The following RCL1 variants were observed in gnomAD, a reference collection of about 807,000 sequenced individuals.
RCL1 encodes RNA 3'-terminal phosphate cyclase-like protein.
Under a neutral mutation model 42.4 loss-of-function variants are expected in RCL1, and 24 were observed. That is an observed-to-expected ratio of 0.57 (90% CI 0.41 to 0.80). The LOEUF (loss-of-function observed/expected upper bound fraction) is 0.80. RCL1 is among the 30% of genes least tolerant of loss of function. The pLI is 0.00. For synonymous variants in RCL1, 228 were observed against 177.3 expected (o/e 1.29, Z -2.27); for missense variants, 578 against 467.9 (o/e 1.24, Z -2.17).
chr9:4,819,549 C>G (rs1816512368), intron 1 of RCL1, among the ~76,000 whole-genome samples: 1 of 152,226 alleles, frequency 6.6e-6, no homozygotes, highest in Non-Finnish European at 1.5e-5. Flanking sequence ...TTGCTCACGC[C>G]TGTAATCCCA....
intron 1 of RCL1, among the ~76,000 whole-genome samples, chr9:4,803,586 A>G (rs1406035287): frequency 3.3e-5 from 5 of 152,082 alleles, no homozygotes; most frequent in African/African-American, 9.7e-5. Flanking sequence ...ACAGATCCCA[A>G]CTGTTCTTTG....
Position 4,802,612 on chromosome 9 carries a change from T to C in RCL1, c.136+9385T>C, listed in dbSNP as rs1487020529. 2.0e-5 allele frequency among the ~76,000 whole-genome samples: 3 copies of C among 151,618 alleles called. No homozygotes were observed. In the East Asian group the frequency reaches 5.8e-4, roughly 29 times the overall value. ...TTCACAAAATGTTCATTTTTCAATGTTTACAAAATGTTCATTTTTTTTTAC... is the reference window on the plus strand; with the variant it reads ...TTCACAAAATGTTCATTTTTCAATGCTTACAAAATGTTCATTTTTTTTTAC... On this transcript the variant is annotated intron_variant, in intron 1 of 8. Coordinates refer to ENST00000381750, the MANE Select transcript of RCL1 (RefSeq NM_005772.5).
At chr9:4,827,330 C>A in intron 3 of RCL1, 1 of 1,154,476 alleles carries the variant, frequency 8.7e-7, no homozygotes, top group Non-Finnish European at 1.2e-6. Flanking sequence ...GTTCTGCTGG[C>A]TGTATATGTG....
At chr9:4,843,428 C>G (rs925167446) in intron 6 of RCL1, among the ~76,000 whole-genome samples, 2 of 151,896 alleles carry the variant, frequency 1.3e-5, no homozygotes, top group Non-Finnish European at 2.9e-5. Flanking sequence ...TGGAGGCTGG[C>G]CTTTGCAAAC....
At chr9:4,801,993 C>G (rs1843009432) in intron 1 of RCL1, among the ~76,000 whole-genome samples, 1 of 151,670 alleles carries the variant, frequency 6.6e-6, no homozygotes, top group South Asian at 2.1e-4. Flanking sequence ...ACTGCAGCCT[C>G]CGCCTGCCAG....
intron 8 of RCL1, among the ~76,000 whole-genome samples, chr9:4,855,349 C>T (rs1226123254): frequency 6.5e-5 from 4 of 61,464 alleles, no homozygotes; most frequent in Non-Finnish European, 9.5e-5. Context: ...GAGCTGCTCT[C>T]GGTGAGCGGT....
intron 1 of RCL1, among the ~76,000 whole-genome samples, chr9:4,818,433 A>T (rs1057090387): frequency 2.6e-5 from 4 of 152,236 alleles, no homozygotes; most frequent in Non-Finnish European, 4.4e-5. Context: ...AAATAAATAA[A>T]CATACATATT....
intron 7 of RCL1, among the ~76,000 whole-genome samples, chr9:4,848,297 A>G (rs10815095): frequency 0.19 from 29,336 of 152,156 alleles, 3,313 homozygotes; most frequent in East Asian, 0.54. Flanking sequence ...TAGTTTAGGG[A>G]CGTGCAATAG....
chr9:4,832,540 G>A (rs928255780), intron 3 of RCL1, among the ~76,000 whole-genome samples: 35 of 151,980 alleles, frequency 2.3e-4, no homozygotes, highest in Admixed American at 1.6e-3. Flanking sequence ...GCTGGGTGTG[G>A]TGGCTCACAC....
intron 7 of RCL1, among the ~76,000 whole-genome samples, chr9:4,849,222 A>G (rs190077063): frequency 6.8e-6 from 1 of 146,958 alleles, no homozygotes; most frequent in Non-Finnish European, 1.5e-5. Context: ...TGATAGTCTC[A>G]TTCTGATAGT....
At chr9:4,846,395 C>CTT (rs1476039333) in intron 7 of RCL1, among the ~76,000 whole-genome samples, 1 of 152,178 alleles carries the variant, frequency 6.6e-6, no homozygotes, top group Non-Finnish European at 1.5e-5. Context: ...TTTGACAAGT[C>CTT]TTGTGCAGTC....
At chr9:4,823,373 C>T (rs1587710197) in intron 1 of RCL1, among the ~76,000 whole-genome samples, 175 bp from the exon 2 acceptor site, 2 of 150,122 alleles carry the variant, frequency 1.3e-5, no homozygotes, top group Admixed American at 6.7e-5. Flanking sequence ...TTTTCAACTG[C>T]GTCAGGTTCC....
intron 1 of RCL1, among the ~76,000 whole-genome samples, chr9:4,808,955 T>G (rs1816074040): frequency 6.6e-6 from 1 of 152,244 alleles, no homozygotes; most frequent in Admixed American, 6.5e-5. Flanking sequence ...GTTACATCCT[T>G]TATTGCCTCT....
chr9:4,848,791 A>G (rs889016119), intron 7 of RCL1, among the ~76,000 whole-genome samples: 2 of 152,188 alleles, frequency 1.3e-5, no homozygotes, highest in Non-Finnish European at 2.9e-5. Context: ...CTGCTTGTTA[A>G]TTTGGAAGAA....
At chr9:4,832,636 C>T (rs35765032) in intron 3 of RCL1, among the ~76,000 whole-genome samples, 27,517 of 151,328 alleles carry the variant, frequency 0.18, 3,339 homozygotes, top group East Asian at 0.58. Flanking sequence ...GGTGAAACCC[C>T]GTCTCTACTA....
At chr9:4,853,304 C>T (rs546656430) in intron 8 of RCL1, among the ~76,000 whole-genome samples, 1 of 150,640 alleles carries the variant, frequency 6.6e-6, no homozygotes, top group African/African-American at 2.4e-5. Flanking sequence ...CCAGTCACTG[C>T]TTCCCTTACC....
intron 1 of RCL1, among the ~76,000 whole-genome samples, chr9:4,800,445 T>A (rs138206103): frequency 6.6e-6 from 1 of 150,916 alleles, no homozygotes; most frequent in African/African-American, 2.4e-5. Flanking sequence ...GAACTCCTGA[T>A]CTTAGGTGAT....
At chr9:4,799,421 T>TA in intron 1 of RCL1, among the ~76,000 whole-genome samples, 1 of 152,310 alleles carries the variant, frequency 6.6e-6, no homozygotes, top group Non-Finnish European at 1.5e-5. Context: ...CCAATGGTGA[T>TA]ATATGGAAAA....
intron 1 of RCL1, among the ~76,000 whole-genome samples, chr9:4,809,428 G>T (rs1030920242): frequency 6.6e-6 from 1 of 151,862 alleles, no homozygotes; most frequent in Non-Finnish European, 1.5e-5. Context: ...CCCTGCCTCA[G>T]CCTCCCAAGT....
Sources: gnomAD v4.1 joint callset for allele counts (sites outside exome capture counted in the v4.1 genomes callset) on GRCh38, gnomAD v4.1.1 for gene constraint, MANE v1.5 for transcripts, NCBI Gene and HGNC (gene_info 2026-07-23, HGNC 2026-07-21) for gene names.